Variants in ZNF782 observed in about 807,000 individuals in gnomAD.
The protein encoded by ZNF782 is zinc finger protein 782.
In ZNF782, 12 loss-of-function variants were observed where a neutral mutation model predicts 13.0. The observed-to-expected ratio is 0.92, with a 90% CI of 0.59 to 1.50. The LOEUF (loss-of-function observed/expected upper bound fraction) is 1.50. Among genes scored for constraint, ZNF782 ranks in the 40% most tolerant of loss-of-function variants. The pLI is 0.00. For missense variants in ZNF782, 770 were observed against 822.9 expected, an observed-to-expected ratio of 0.94 and a Z score of 0.79; for synonymous variants, 284 against 283.0, an observed-to-expected ratio of 1.00 and a Z score of -0.04.
At chr9:96,876,943 C>CAA (rs398011569), upstream of ZNF782, among the ~76,000 whole-genome samples, 1,784 of 42,834 alleles carry the variant, frequency 0.042, 6 homozygotes, top group Non-Finnish European at 0.053. Context: ...AACTCCGACT[C>CAA]AAAAAAAAAA....
chr9:96,857,828 A>G (rs956258791), upstream of ZNF782, among the ~76,000 whole-genome samples: 1 of 152,262 alleles, frequency 6.6e-6, no homozygotes, highest in African/African-American at 2.4e-5. Flanking sequence ...TGAAAACCAC[A>G]TCTTTCTATT....
chr9:96,931,760 G>C, the ZNF782 span: 3 of 1,611,440 alleles, frequency 1.9e-6, no homozygotes, highest in Non-Finnish European at 2.5e-6. Flanking sequence ...CGTGAACCCT[G>C]GCACCTCCCT....
At chr9:96,927,964 C>G in the ZNF782 span, among the ~76,000 whole-genome samples, 1 of 147,512 alleles carries the variant, frequency 6.8e-6, no homozygotes, top group African/African-American at 2.6e-5. Flanking sequence ...AATTTTTACC[C>G]CCAAAAAACT....
intron 3 of ZNF782, among the ~76,000 whole-genome samples, chr9:96,851,575 A>G (rs955443906): frequency 2.6e-5 from 4 of 152,254 alleles, no homozygotes; most frequent in Non-Finnish European, 1.5e-5. Flanking sequence ...CTAGGAAAAC[A>G]TGTAAGAAGC....
At position 96,818,275 on chromosome 9, in the gene ZNF782, G is replaced by A. The variant is rs1290784157; in HGVS notation, c.1748C>T (p.Thr583Ile). Residue 583 changes from threonine (T) to isoleucine (I), a missense_variant, in exon 6 of 6, where the codon ACT (threonine) becomes ATT (isoleucine). Transcript: ENST00000481138. ...TTGATAGGGTTTCTCCCCAGTATGA[G>A]TTCTGTGATGTACTCTGAGGTTTGA... ...QKSNLRVHHRTHTGEKPYQCE... is the reference protein window; with the variant it reads ...QKSNLRVHHRIHTGEKPYQCE... The A allele has an allele frequency of 6.2e-7, 1 of 1,613,866 alleles. No homozygotes were observed. Among genetic ancestry groups the A allele is most frequent in the Non-Finnish European group, 8.5e-7 (1 of 1,179,996 alleles).
chr9:96,864,859 T>G (rs1057383408), intron 1 of ZNF782, among the ~76,000 whole-genome samples: 1 of 137,942 alleles, frequency 7.2e-6, no homozygotes, highest in Non-Finnish European at 1.5e-5. Context: ...AGTGAGACCC[T>G]ATCTCCACAA....
intron 5 of ZNF782, among the ~76,000 whole-genome samples, chr9:96,824,467 T>C (rs1157000878): frequency 4.6e-5 from 7 of 151,524 alleles, no homozygotes; most frequent in Non-Finnish European, 7.4e-5. Context: ...GGGCAAAAAC[T>C]GGAAGCATTC....
the ZNF782 span, among the ~76,000 whole-genome samples, chr9:96,907,210 T>C: frequency 6.6e-6 from 1 of 152,064 alleles, no homozygotes; most frequent in Non-Finnish European, 1.5e-5. Context: ...TTCTGACAAA[T>C]GGATGAACCT....
At chr9:96,837,697 C>A (rs1437775484) in intron 4 of ZNF782, among the ~76,000 whole-genome samples, 1 of 152,176 alleles carries the variant, frequency 6.6e-6, no homozygotes, top group Non-Finnish European at 1.5e-5. Context: ...GGTTTTACTG[C>A]ATCCAGAAGG....
the ZNF782 span, among the ~76,000 whole-genome samples, chr9:96,901,501 A>G: frequency 1.3e-5 from 2 of 151,598 alleles, no homozygotes; most frequent in Non-Finnish European, 2.9e-5. Context: ...CAAACTCCTG[A>G]CCTAAGGAGA....
intron 4 of ZNF782, among the ~76,000 whole-genome samples, chr9:96,843,084 T>A (rs773689187): frequency 9.9e-5 from 15 of 152,144 alleles, no homozygotes; most frequent in Non-Finnish European, 2.2e-4. Context: ...GGATCCCTCA[T>A]ACATTGCTGG....
At chr9:96,930,799 T>C in the ZNF782 span, among the ~76,000 whole-genome samples, 2 of 148,354 alleles carry the variant, frequency 1.3e-5, no homozygotes, top group African/African-American at 5.0e-5. Context: ...ATCACTTGCA[T>C]GCTGGGCGTT....
At chr9:96,851,829 T>C (rs1851495903) in intron 3 of ZNF782, 118 bp downstream of exon 3, 1 of 1,050,524 alleles carries the variant, frequency 9.5e-7, no homozygotes, top group Non-Finnish European at 1.4e-6. Context: ...GGTGAAACTG[T>C]ATATATTTTC....
At chr9:96,871,433 A>G (rs534990249) in intron 1 of ZNF782, among the ~76,000 whole-genome samples, 10 of 152,316 alleles carry the variant, frequency 6.6e-5, no homozygotes, top group Non-Finnish European at 1.3e-4. Flanking sequence ...AGCTGGGACT[A>G]TAGGTGTGTA....
intron 5 of ZNF782, among the ~76,000 whole-genome samples, chr9:96,825,950 G>A: frequency 6.8e-6 from 1 of 147,796 alleles, no homozygotes; most frequent in East Asian, 2.0e-4. Context: ...CACTGTTGGT[G>A]GGACTGTAAA....
At chr9:96,859,269 G>C (rs554606528), upstream of ZNF782, among the ~76,000 whole-genome samples, 1 of 152,306 alleles carries the variant, frequency 6.6e-6, no homozygotes, top group African/African-American at 2.4e-5. Context: ...GTATTTGGGG[G>C]CATGTGACCT....
upstream of ZNF782, among the ~76,000 whole-genome samples, chr9:96,878,238 C>T (rs1240382553): frequency 6.6e-6 from 1 of 152,144 alleles, no homozygotes; most frequent in Non-Finnish European, 1.5e-5. Context: ...TTAGTAGAGA[C>T]AGGGTTTCAC....
At chr9:96,863,002 G>C (rs1024132122) in intron 1 of ZNF782, among the ~76,000 whole-genome samples, 3 of 151,998 alleles carry the variant, frequency 2.0e-5, no homozygotes, top group African/African-American at 7.3e-5. Context: ...CCAGCTCCAA[G>C]ATGCCCAGTT....
chr9:96,852,096 G>T, intron 2 of ZNF782, 91 bp from the exon 3 acceptor site: 1 of 802,964 alleles, frequency 1.2e-6, no homozygotes, highest in African/African-American at 1.7e-5. Flanking sequence ...CAGTTGGAGA[G>T]CAGCCTTCCT....
Sources: allele counts gnomAD v4.1 joint callset (sites outside exome capture counted in the v4.1 genomes callset), GRCh38; gene constraint gnomAD v4.1.1; transcripts MANE v1.5; gene names NCBI Gene and HGNC (gene_info 2026-07-23, HGNC 2026-07-21).